The following ZNF536 variants were observed in gnomAD, a reference collection of about 807,000 sequenced individuals.
ZNF536 encodes the protein zinc finger protein 536.
ZNF536 carries 13 observed loss-of-function variants against 84.5 expected under a neutral mutation model. That is an observed-to-expected ratio of 0.15 (90% confidence interval 0.10 to 0.24). ZNF536 has a LOEUF of 0.24. Ranked by LOEUF, ZNF536 falls within the 10% of genes least tolerant of loss-of-function variation. The pLI, the probability that ZNF536 is intolerant of heterozygous loss-of-function variation, is 1.00. For missense variants in ZNF536, 1,536 were observed against 1,747.5 expected (o/e 0.88, Z 2.16); for synonymous variants, 811 against 742.5 (o/e 1.09, Z -1.50).
chr19:30,303,268 C>T (rs774578229), intron 2 of ZNF536, among the ~76,000 whole-genome samples: 7 of 152,304 alleles, frequency 4.6e-5, no homozygotes, highest in Admixed American at 6.5e-5. Context: ...GGAGGGCAGG[C>T]GCCTTCCTTG....
At chr19:30,360,800 G>T (rs1340474164) in intron 3 of ZNF536, among the ~76,000 whole-genome samples, 1 of 152,232 alleles carries the variant, frequency 6.6e-6, no homozygotes, top group Non-Finnish European at 1.5e-5. Context: ...GGTAGTGAAA[G>T]AAATGTGTTT....
At chr19:30,324,684 G>C (rs1008745423) in intron 2 of ZNF536, among the ~76,000 whole-genome samples, 4 of 152,156 alleles carry the variant, frequency 2.6e-5, no homozygotes, top group African/African-American at 9.7e-5. Context: ...GAGCCACTCC[G>C]TCTGACTTTC....
chr19:30,638,953 TC>T lies in ZNF536; in HGVS notation c.170-71801del, dbSNP rs1336391639. Among the ~76,000 whole-genome samples the T allele has an allele frequency of 2.0e-5, 3 of 152,252 alleles. No homozygotes were observed. The East Asian group carries it at 5.8e-4, about 29-fold the overall frequency. ...TTTCCAGTTGATTTCTTTTGGCGAT[TC>T]CCATTTTCTACCTAAACTCCTTATC... On this transcript the variant is annotated intron_variant, in intron 1 of 1. Coordinates refer to the ZNF536 transcript ENST00000592773.
intron 2 of ZNF536, among the ~76,000 whole-genome samples, chr19:30,532,028 G>C (rs1221001143): frequency 6.6e-6 from 1 of 152,126 alleles, no homozygotes; most frequent in Non-Finnish European, 1.5e-5. Flanking sequence ...TTCCACAGTG[G>C]CTCCTTGCTA....
chr19:30,482,942 G>A (rs2054148365), intron 2 of ZNF536, among the ~76,000 whole-genome samples: 1 of 152,166 alleles, frequency 6.6e-6, no homozygotes, highest in South Asian at 2.1e-4. Context: ...GCTTGGTGCT[G>A]TATGCTTCTT....
intron 1 of ZNF536, among the ~76,000 whole-genome samples, chr19:30,673,381 C>T (rs1051756179): frequency 1.7e-4 from 26 of 152,312 alleles, no homozygotes; most frequent in Middle Eastern, 3.4e-3. Flanking sequence ...AATCTCTGCT[C>T]TCCTCTCCCT....
At chr19:30,620,098 G>A (rs8107649) in intron 1 of ZNF536, among the ~76,000 whole-genome samples, 6 of 148,836 alleles carry the variant, frequency 4.0e-5, no homozygotes, top group South Asian at 2.1e-4. Context: ...ACAAGAACAC[G>A]TTTAGTGCAA....
rs556835599 is a variant in ZNF536 at position 30,617,333 on chromosome 19, C to CTTTTTTTTTTTTTTTTTTTTTTTTT, written c.169+67828_169+67852dup. On this transcript the variant is annotated intron_variant, in intron 1 of 1. Transcript: ENST00000592773. ...GAGTCCACCATATCTGAATAGCTTA[C>CTTTTTTTTTTTTTTTTTTTTTTTTT]TTTTTTTTTTTTTTTTTTTTTTTTT... 1.1e-4 allele frequency among the ~76,000 whole-genome samples: 4 copies of CTTTTTTTTTTTTTTTTTTTTTTTTT among 37,712 alleles called. 1 individual carries two copies. Among genetic ancestry groups the CTTTTTTTTTTTTTTTTTTTTTTTTT allele is most frequent in the African/African-American group, 2.1e-4 (3 of 14,624 alleles). The allele number at this position is 37,712 out of a possible 152,430, so 24.7% of individuals were successfully genotyped here. A position where few individuals can be genotyped will look rare whatever the true frequency, so the allele number is the denominator to read the frequency against.
At position 30,598,560 on chromosome 19, in the gene ZNF536, A is replaced by G. The variant is rs73924795; in HGVS notation, c.169+49046A>G. ...TTAAGACAAAATTAAAGCAAAACAA[A>G]TGGCGAGGTGTGGGGGAGGGAGAAT... On this transcript the variant is annotated intron_variant, in intron 1 of 1. Coordinates refer to the ZNF536 transcript ENST00000592773. Among the ~76,000 whole-genome samples, 736 of 152,316 alleles carry G rather than the reference A, an allele frequency of 4.8e-3. 7 individuals are homozygous for G. The highest frequency in any genetic ancestry group is 0.017 in the African/African-American group (693 of 41,572).
At chr19:30,295,092 T>G (rs1225593117) in intron 2 of ZNF536, among the ~76,000 whole-genome samples, 1 of 152,180 alleles carries the variant, frequency 6.6e-6, no homozygotes. Context: ...CTTGGTAGCA[T>G]GCAGATTCTG....
At chr19:30,477,856 T>C (rs2053914490) in intron 2 of ZNF536, among the ~76,000 whole-genome samples, 1 of 152,204 alleles carries the variant, frequency 6.6e-6, no homozygotes, top group African/African-American at 2.4e-5. Context: ...GGATCCTCTA[T>C]TGTTATAAGT....
At chr19:30,694,083 G>A (rs773381240) in intron 1 of ZNF536, among the ~76,000 whole-genome samples, 1 of 152,188 alleles carries the variant, frequency 6.6e-6, no homozygotes, top group Non-Finnish European at 1.5e-5. Flanking sequence ...GCTTTCAGTG[G>A]ATTGGATATC....
At chr19:30,659,451 C>T (rs2050038414) in intron 1 of ZNF536, among the ~76,000 whole-genome samples, 1 of 152,070 alleles carries the variant, frequency 6.6e-6, no homozygotes, top group African/African-American at 2.4e-5. Context: ...ACCTCCATCA[C>T]TGGGGATTAC....
intron 1 of ZNF536, among the ~76,000 whole-genome samples, chr19:30,564,187 G>A (rs2046271891): frequency 6.6e-6 from 1 of 152,100 alleles, no homozygotes; most frequent in African/African-American, 2.4e-5. Context: ...TTAAATGAAA[G>A]AGTCGGGTGT....
At chr19:30,322,316 A>C (rs191121420) in intron 2 of ZNF536, among the ~76,000 whole-genome samples, 34 of 152,330 alleles carry the variant, frequency 2.2e-4, no homozygotes, top group African/African-American at 7.7e-4. Flanking sequence ...AAAAAATACT[A>C]TGATGATCAT....
At chr19:30,278,965 T>G (rs2045340212) in intron 1 of ZNF536, among the ~76,000 whole-genome samples, 3 of 152,188 alleles carry the variant, frequency 2.0e-5, no homozygotes, top group Admixed American at 1.3e-4. Context: ...AAGCCTATCT[T>G]CATCCATTCT....
intron 1 of ZNF536, among the ~76,000 whole-genome samples, chr19:30,264,964 TGTGAGA>T (rs1439254643): frequency 5.9e-5 from 4 of 68,082 alleles, no homozygotes; most frequent in Admixed American, 2.0e-4. Context: ...TGTGTGTGTG[TGTGAGA>T]GAGAGAGAGA....
At chr19:30,699,812 G>A (rs914916625) in intron 1 of ZNF536, among the ~76,000 whole-genome samples, 2 of 152,250 alleles carry the variant, frequency 1.3e-5, no homozygotes, top group East Asian at 1.9e-4. Flanking sequence ...GGAAGCAGCA[G>A]GTGATGGTGA....
At chr19:30,417,736 T>C (rs1276235579) in intron 1 of ZNF536, among the ~76,000 whole-genome samples, 1 of 152,224 alleles carries the variant, frequency 6.6e-6, no homozygotes, top group Non-Finnish European at 1.5e-5. Flanking sequence ...TAGTGTTTTA[T>C]CACAAGGACA....
Sources: gnomAD v4.1 joint callset for allele counts (sites outside exome capture counted in the v4.1 genomes callset) on GRCh38, gnomAD v4.1.1 for gene constraint, MANE v1.5 for transcripts, NCBI Gene and HGNC (gene_info 2026-07-23, HGNC 2026-07-21) for gene names.